FHIT: variants seen among roughly 807,000 people sequenced by gnomAD.
FHIT encodes the protein fragile histidine triad diadenosine triphosphatase, also known as bis(5'-adenosyl)-triphosphatase.
A neutral mutation model predicts 17.9 loss-of-function variants in FHIT; 19 were observed. The observed-to-expected ratio is 1.06, with a 90% confidence interval of 0.74 to 1.56. FHIT has a LOEUF of 1.56. FHIT is among the 40% of genes most tolerant of loss of function. FHIT has a pLI of 0.00. For synonymous variants in FHIT, 81 were observed against 69.7 expected (o/e 1.16, Z -0.81); for missense variants, 248 against 189.2 (o/e 1.31, Z -1.82).
intron 5 of FHIT, among the ~76,000 whole-genome samples, chr3:60,086,384 C>G (rs991485915): frequency 6.6e-6 from 1 of 152,178 alleles, no homozygotes; most frequent in African/African-American, 2.4e-5. Flanking sequence ...ATTCCCAAAA[C>G]CCATGTACTT....
At chr3:59,761,969 A>G (rs771908243) in intron 8 of FHIT, among the ~76,000 whole-genome samples, 3 of 152,080 alleles carry the variant, frequency 2.0e-5, no homozygotes, top group African/African-American at 7.2e-5. Flanking sequence ...TAAATACCTT[A>G]TGTCCTCTTT....
At chr3:60,099,032 G>A (rs1050935421) in intron 5 of FHIT, among the ~76,000 whole-genome samples, 2 of 152,074 alleles carry the variant, frequency 1.3e-5, no homozygotes, top group African/African-American at 4.8e-5. Context: ...TTTGACTGTT[G>A]ACCACTGGCT....
At chr3:60,208,831 T>G (rs1354462299) in intron 5 of FHIT, among the ~76,000 whole-genome samples, 2 of 152,160 alleles carry the variant, frequency 1.3e-5, no homozygotes, top group Non-Finnish European at 1.5e-5. Context: ...GAGAGCCATT[T>G]AGCTCTAAGT....
chr3:61,197,330 G>C (rs182838232), intron 2 of FHIT, among the ~76,000 whole-genome samples: 3 of 152,268 alleles, frequency 2.0e-5, no homozygotes, highest in African/African-American at 4.8e-5. Context: ...TAGGAATCTT[G>C]CACAGAGTCA....
At chr3:60,517,951 A>G (rs2035221697) in intron 5 of FHIT, among the ~76,000 whole-genome samples, 1 of 152,200 alleles carries the variant, frequency 6.6e-6, no homozygotes, top group Non-Finnish European at 1.5e-5. Flanking sequence ...ACCTTCTTCA[A>G]GGGTGGCCAG....
At chr3:60,570,373 C>G (rs533677044) in intron 4 of FHIT, among the ~76,000 whole-genome samples, 1 of 152,020 alleles carries the variant, frequency 6.6e-6, no homozygotes, top group Non-Finnish European at 1.5e-5. Context: ...TTTTTTTACT[C>G]GTTGGTAATA....
At chr3:60,355,175 T>C (rs77568364) in intron 5 of FHIT, among the ~76,000 whole-genome samples, 2,956 of 152,252 alleles carry the variant, frequency 0.019, 71 homozygotes, top group African/African-American at 0.058. Context: ...TGTTGTAACC[T>C]CCACTCGTCA....
chr3:60,358,511 A>C (rs112770876), intron 5 of FHIT, among the ~76,000 whole-genome samples: 3,274 of 152,328 alleles, frequency 0.021, 77 homozygotes, highest in African/African-American at 0.058. Flanking sequence ...GTAAATCACA[A>C]TGAATTATGA....
chr3:60,825,739 C>A (rs1702087527), intron 3 of FHIT, among the ~76,000 whole-genome samples: 2 of 152,116 alleles, frequency 1.3e-5, no homozygotes. Context: ...AACCATACCC[C>A]CCACCTCCCC....
chr3:60,742,475 G>A (rs1313199396), intron 4 of FHIT, among the ~76,000 whole-genome samples: 1 of 152,108 alleles, frequency 6.6e-6, no homozygotes, highest in Non-Finnish European at 1.5e-5. Context: ...CAATAGCTGA[G>A]ACCATTAACA....
At chr3:59,949,906 C>T (rs1707029079) in intron 7 of FHIT, among the ~76,000 whole-genome samples, 1 of 152,168 alleles carries the variant, frequency 6.6e-6, no homozygotes, top group East Asian at 1.9e-4. Flanking sequence ...TTACAAATCA[C>T]AACAACAATG....
intron 5 of FHIT, among the ~76,000 whole-genome samples, chr3:60,394,022 GAGT>G (rs1701337905): frequency 6.6e-6 from 1 of 152,172 alleles, no homozygotes; most frequent in Admixed American, 6.6e-5. Flanking sequence ...GAAAGAAAAT[GAGT>G]AGGAGGGGAA....
intron 1 of FHIT, among the ~76,000 whole-genome samples, chr3:61,218,114 T>C (rs2039736951): frequency 2.0e-5 from 3 of 152,144 alleles, no homozygotes; most frequent in Admixed American, 2.0e-4. Context: ...TGGTAAGTTA[T>C]CTGTAAGTAG....
intron 4 of FHIT, among the ~76,000 whole-genome samples, chr3:60,559,135 T>C (rs1376662185): frequency 1.3e-5 from 2 of 152,324 alleles, no homozygotes; most frequent in South Asian, 4.1e-4. Context: ...GGTTTATTCA[T>C]AGATTTGTGT....
chr3:60,114,774 G>T (rs1207764935), intron 5 of FHIT, among the ~76,000 whole-genome samples: 2 of 151,880 alleles, frequency 1.3e-5, no homozygotes, highest in Non-Finnish European at 2.9e-5. Context: ...GCACTGATGG[G>T]CTAAACTTAT....
At chr3:60,348,443 GT>G (rs150527722) in intron 5 of FHIT, among the ~76,000 whole-genome samples, 21,756 of 150,260 alleles carry the variant, frequency 0.14, 1,663 homozygotes, top group Non-Finnish European at 0.17. Context: ...TTATTTTTGG[GT>G]TTTTTTTTCA....
chr3:60,493,569 CACA>C (rs2034157780), intron 5 of FHIT, among the ~76,000 whole-genome samples: 1 of 152,138 alleles, frequency 6.6e-6, no homozygotes, highest in South Asian at 2.1e-4. Flanking sequence ...TTAATTAGGT[CACA>C]CCTTCAACAT....
chr3:60,502,650 G>A (rs2034569875), intron 5 of FHIT, among the ~76,000 whole-genome samples: 1 of 152,068 alleles, frequency 6.6e-6, no homozygotes. Context: ...CCATGTACCA[G>A]ACATTGTGTT....
chr3:60,611,602 CA>C (rs2038787894), intron 4 of FHIT, among the ~76,000 whole-genome samples: 2 of 152,130 alleles, frequency 1.3e-5, no homozygotes, highest in African/African-American at 4.8e-5. Context: ...GTGTTGTTTA[CA>C]TAGTATTTTG....
Sources: gnomAD v4.1 joint callset for allele counts (sites outside exome capture counted in the v4.1 genomes callset) on GRCh38, gnomAD v4.1.1 for gene constraint, MANE v1.5 for transcripts, NCBI Gene and HGNC (gene_info 2026-07-23, HGNC 2026-07-21) for gene names.